Variants in B4GALNT2 observed in about 807,000 individuals in gnomAD.
B4GALNT2 encodes the protein N-acetylneuraminylgalactosylglucosyl-glucoside beta-1,4-N- acetylgalactosaminyltransferase 2.
B4GALNT2 carries 42 observed loss-of-function variants against 51.1 expected under a neutral mutation model. The ratio of observed to expected loss-of-function variants is 0.82; its 90% confidence interval spans 0.64 to 1.06. B4GALNT2 has a LOEUF of 1.06. Among genes scored for constraint, B4GALNT2 ranks in the 50% least tolerant of loss-of-function variants. The probability of loss-of-function intolerance (pLI) is 0.00; values close to 1 mark genes in which losing one functional copy is unlikely to be tolerated. For missense variants in B4GALNT2, 602 were observed against 633.6 expected (o/e 0.95, Z 0.54); for synonymous variants, 253 against 251.7 (o/e 1.01, Z -0.05).
chr17:49,148,809 G>T (rs1598204655), intron 3 of B4GALNT2: 1 of 342,302 alleles, frequency 2.9e-6, no homozygotes, highest in East Asian at 5.4e-5. Flanking sequence ...TGTAATCCCG[G>T]CACTTTGGGA....
At chr17:49,125,227 T>C in the B4GALNT2 span, among the ~76,000 whole-genome samples, 1 of 152,210 alleles carries the variant, frequency 6.6e-6, no homozygotes, top group East Asian at 1.9e-4. Flanking sequence ...TGGTGCAATC[T>C]TGACTCACTG....
rs994020363 is a variant in B4GALNT2 at position 49,172,073 on chromosome 17, A to G, written c.*2345A>G. 2 of 283,818 alleles carry G rather than the reference A, an allele frequency of 7.0e-6. No homozygotes were observed. The highest frequency in any genetic ancestry group is 2.2e-5 in the African/African-American group (1 of 44,520). 17.6% of individuals were successfully genotyped at this position (283,818 alleles called of 1,614,324 possible). ...AATGGTGATCACCACTATCATATCT[A>G]TCATTAAATTACTCATTGTGACTGG... On this transcript the variant is annotated 3_prime_UTR_variant, in exon 11 of 11. Coordinates refer to ENST00000393354, the MANE Select transcript of B4GALNT2 (RefSeq NM_001159387.2).
At position 49,172,096 on chromosome 17, in the gene B4GALNT2, T is replaced by G. The variant is rs1448815594; in HGVS notation, c.*2368T>G. ...CTATCATTAAATTACTCATTGTGAC[T>G]GGTTGTCCCACTTTCCTCAGGTTTT... On this transcript the variant is annotated 3_prime_UTR_variant, in exon 11 of 11. Transcript: ENST00000393354. 1 of 305,074 alleles carries G rather than the reference T, an allele frequency of 3.3e-6. No individual in the cohort carries two copies. Among genetic ancestry groups the G allele is most frequent in the Non-Finnish European group, 6.0e-6 (1 of 167,470 alleles). 18.9% of individuals were successfully genotyped at this position (305,074 alleles called of 1,614,324 possible).
chr17:49,126,729 C>T, the B4GALNT2 span, among the ~76,000 whole-genome samples: 2 of 146,360 alleles, frequency 1.4e-5, no homozygotes, highest in South Asian at 4.2e-4. Flanking sequence ...GGTGCAATCT[C>T]GGCTCATTGC....
At chr17:49,135,461 T>C (rs959724554) in intron 1 of B4GALNT2, among the ~76,000 whole-genome samples, 3 of 151,920 alleles carry the variant, frequency 2.0e-5, no homozygotes, top group African/African-American at 7.2e-5. Flanking sequence ...AGTTTCACCA[T>C]GTTAGCTAGG....
intron 6 of B4GALNT2, among the ~76,000 whole-genome samples, chr17:49,159,623 A>G (rs1051286161): frequency 2.6e-5 from 4 of 152,186 alleles, no homozygotes; most frequent in African/African-American, 9.7e-5. Flanking sequence ...TACAGGCGTG[A>G]GCTACAGCGT....
chr17:49,153,759 C>A (rs1336994054), intron 4 of B4GALNT2, among the ~76,000 whole-genome samples: 9 of 151,964 alleles, frequency 5.9e-5, no homozygotes, highest in African/African-American at 2.2e-4. Flanking sequence ...CTCCTCACCT[C>A]GGCCTCCCAA....
chr17:49,168,084 C>T (rs373957024), intron 9 of B4GALNT2, among the ~76,000 whole-genome samples: 21 of 152,228 alleles, frequency 1.4e-4, no homozygotes, highest in African/African-American at 4.3e-4. Context: ...AGGGAAAGAA[C>T]GGGTGATGGG....
At chr17:49,143,310 A>G (rs973726688) in intron 3 of B4GALNT2, among the ~76,000 whole-genome samples, 6 of 152,004 alleles carry the variant, frequency 3.9e-5, no homozygotes, top group South Asian at 2.1e-4. Flanking sequence ...ACAAAAAAAC[A>G]AAAAACAAGA....
At chr17:49,157,736 A>G (rs1248804232) in intron 5 of B4GALNT2, among the ~76,000 whole-genome samples, 3 of 152,170 alleles carry the variant, frequency 2.0e-5, no homozygotes, top group African/African-American at 7.2e-5. Context: ...CAGTGGGATT[A>G]CAGGCGTGAG....
At chr17:49,128,123 T>G (rs1322345704), upstream of B4GALNT2, among the ~76,000 whole-genome samples, 1 of 152,156 alleles carries the variant, frequency 6.6e-6, no homozygotes, top group Non-Finnish European at 1.5e-5. Context: ...TTGGGTTATG[T>G]GCGGGAATTC....
In B4GALNT2 at chr17:49,171,330, G is replaced by T. The variant is rs1598220401; in HGVS notation, c.*1602G>T. Reference sequence around the variant, plus strand: ...TCCAAGTGTCTTTATCCACTTTAATGGGTTAATATCTGCTAATCTGTCTGC... The same window carrying T: ...TCCAAGTGTCTTTATCCACTTTAATTGGTTAATATCTGCTAATCTGTCTGC... On this transcript the variant is annotated 3_prime_UTR_variant, in exon 11 of 11. Coordinates refer to ENST00000393354, the MANE Select transcript of B4GALNT2 (RefSeq NM_001159387.2). The T allele has an allele frequency of 2.5e-6, 1 of 396,042 alleles. No homozygotes were observed. Among genetic ancestry groups the T allele is most frequent in the East Asian group, 7.9e-5 (1 of 12,728 alleles). The allele number at this position is 396,042 out of a possible 1,614,324, so 24.5% of individuals were successfully genotyped here.
chr17:49,162,603 T>A (rs1017365838), intron 7 of B4GALNT2, among the ~76,000 whole-genome samples: 7 of 151,986 alleles, frequency 4.6e-5, no homozygotes, highest in African/African-American at 1.7e-4. Flanking sequence ...TGCAGCGCTG[T>A]TTGCAATGAC....
intron 3 of B4GALNT2, among the ~76,000 whole-genome samples, chr17:49,145,845 C>T (rs927364388): frequency 3.3e-5 from 5 of 152,166 alleles, no homozygotes; most frequent in African/African-American, 9.7e-5. Flanking sequence ...TAACTTCCTT[C>T]TTAGCCTGTT....
At chr17:49,151,041 G>A (rs571285639) in intron 3 of B4GALNT2, among the ~76,000 whole-genome samples, 64 of 151,774 alleles carry the variant, frequency 4.2e-4, no homozygotes, top group African/African-American at 1.5e-3. Context: ...ACTGGGTCCC[G>A]AAGGCTAACA....
At chr17:49,153,599 C>T (rs1002313503) in intron 4 of B4GALNT2, among the ~76,000 whole-genome samples, 5 of 151,126 alleles carry the variant, frequency 3.3e-5, no homozygotes, top group East Asian at 2.0e-4. Flanking sequence ...CTCCACCTCC[C>T]GGGTTCAAAT....
the B4GALNT2 span, among the ~76,000 whole-genome samples, chr17:49,121,449 A>G: frequency 6.6e-6 from 1 of 152,198 alleles, no homozygotes; most frequent in Non-Finnish European, 1.5e-5. Context: ...TGTTGGCTGA[A>G]TCTGGTCCCA....
chr17:49,158,758 A>C (rs2042833876), intron 5 of B4GALNT2, among the ~76,000 whole-genome samples: 1 of 152,118 alleles, frequency 6.6e-6, no homozygotes, highest in Non-Finnish European at 1.5e-5. Flanking sequence ...GTGGAATAAG[A>C]AGCCAAGAAG....
chr17:49,126,888 G>C, the B4GALNT2 span, among the ~76,000 whole-genome samples: 2 of 152,236 alleles, frequency 1.3e-5, no homozygotes, highest in African/African-American at 4.8e-5. Flanking sequence ...GTTTTCAGTA[G>C]AGACAGAGTT....
Sources: allele counts gnomAD v4.1 joint callset (sites outside exome capture counted in the v4.1 genomes callset), GRCh38; gene constraint gnomAD v4.1.1; transcripts MANE v1.5; gene names NCBI Gene and HGNC (gene_info 2026-07-23, HGNC 2026-07-21).